The following BRMS1L variants were observed in gnomAD, a reference collection of about 807,000 sequenced individuals.
BRMS1L encodes BRMS1 like transcriptional repressor, also known as breast cancer metastasis-suppressor 1-like protein.
Under a neutral mutation model 50.3 loss-of-function variants are expected in BRMS1L, and 23 were observed. The observed-to-expected ratio is 0.46, with a 90% CI of 0.33 to 0.65. The LOEUF is 0.65. Among genes scored for constraint, BRMS1L ranks in the 30% least tolerant of loss-of-function variants. The pLI is 0.02. For synonymous variants in BRMS1L, 114 were observed against 126.9 expected, an observed-to-expected ratio of 0.90 and a Z score of 0.69; for missense variants, 286 against 386.1, an observed-to-expected ratio of 0.74 and a Z score of 2.17.
intron 4 of BRMS1L, among the ~76,000 whole-genome samples, chr14:35,847,779 CT>C (rs1305393383): frequency 1.3e-5 from 2 of 152,182 alleles, no homozygotes; most frequent in African/African-American, 4.8e-5. Context: ...GTGTGTCTGA[CT>C]AGTTTATATA....
intron 4 of BRMS1L, among the ~76,000 whole-genome samples, chr14:35,854,056 GTA>G (rs1456875467): frequency 2.0e-5 from 3 of 152,158 alleles, no homozygotes; most frequent in Non-Finnish European, 1.5e-5. Flanking sequence ...TAGTTGTTCA[GTA>G]TTTTAGTTCC....
intron 4 of BRMS1L, among the ~76,000 whole-genome samples, chr14:35,851,238 C>T (rs923680228): frequency 1.3e-5 from 2 of 152,148 alleles, no homozygotes; most frequent in Admixed American, 1.3e-4. Context: ...GGTGAAACCG[C>T]ACAGGTGTCA....
chr14:35,856,864 C>T (rs918765855), intron 4 of BRMS1L, among the ~76,000 whole-genome samples: 3 of 151,934 alleles, frequency 2.0e-5, no homozygotes, highest in African/African-American at 7.3e-5. Flanking sequence ...TCCTACCGCC[C>T]CAGCCTGGCC....
Position 35,834,857 on chromosome 14 carries a change from G to T in BRMS1L, c.375G>T (p.Glu125Asp). The T allele has an allele frequency of 6.3e-7, 1 of 1,580,406 alleles. No individual in the cohort carries two copies. The highest frequency in any genetic ancestry group is 2.3e-5 in the East Asian group (1 of 43,618). ...IRTKVAGIYR[E>D]LCLESVKNKY... The stretch of plus-strand genomic sequence containing the variant: ...GTTTGGTTGCAGGAATCTATAGAGA[G>T]CTCTGCTTAGAATCTGTAAAGAACA... Residue 125 changes from glutamate (E) to aspartate (D), a missense_variant, in exon 4 of 10, where the codon GAG (glutamate) becomes GAT (aspartate). Coordinates refer to ENST00000216807, the MANE Select transcript of BRMS1L (RefSeq NM_032352.4).
chr14:35,859,643 T>G (rs1302291712), intron 4 of BRMS1L, among the ~76,000 whole-genome samples: 2 of 152,164 alleles, frequency 1.3e-5, no homozygotes, highest in East Asian at 3.8e-4. Flanking sequence ...TTTTATGTAT[T>G]TATTTATTTG....
chr14:35,843,089 C>G (rs1455338568), intron 4 of BRMS1L, among the ~76,000 whole-genome samples: 2 of 152,152 alleles, frequency 1.3e-5, no homozygotes, highest in African/African-American at 4.8e-5. Flanking sequence ...AGCCTTTTAT[C>G]AAGGTTCTTA....
Position 35,871,368 on chromosome 14 carries a change from A to C in BRMS1L, c.*891A>C, listed in dbSNP as rs963383089. 3 of 152,654 alleles carry C rather than the reference A, an allele frequency of 2.0e-5. No individual in the cohort carries two copies. The highest frequency in any genetic ancestry group is 4.4e-5 in the Non-Finnish European group (3 of 68,046). The allele number at this position is 152,654 out of a possible 1,614,324, so 9.5% of individuals were successfully genotyped here. A position where few individuals can be genotyped will look rare whatever the true frequency, so the allele number is the denominator to read the frequency against. On this transcript the variant is annotated 3_prime_UTR_variant, in exon 10 of 10. Transcript: ENST00000216807. ...ATTTTATTCCTAGGGCAAAGTAGAC[A>C]GGGATTATTTCCTTGAATCTATTTC... is the stretch of plus-strand genomic sequence containing the variant.
At chr14:35,860,622 C>T (rs2078338088) in intron 4 of BRMS1L, among the ~76,000 whole-genome samples, 1 of 151,016 alleles carries the variant, frequency 6.6e-6, no homozygotes, top group African/African-American at 2.4e-5. Flanking sequence ...TAATGGGTCA[C>T]TCTCTGATAA....
At chr14:35,864,385 C>T (rs1270637250) in intron 6 of BRMS1L, among the ~76,000 whole-genome samples, 3 of 152,054 alleles carry the variant, frequency 2.0e-5, no homozygotes, top group Non-Finnish European at 4.4e-5. Context: ...CCTTAGCCTC[C>T]CAAGTAGCTG....
intron 2 of BRMS1L, among the ~76,000 whole-genome samples, chr14:35,832,341 A>G (rs1192977007): frequency 2.1e-5 from 3 of 139,798 alleles, no homozygotes; most frequent in African/African-American, 9.4e-5. Flanking sequence ...CGTCTCTACT[A>G]AAAAATACAA....
chr14:35,852,303 T>C (rs1216136433), intron 4 of BRMS1L, among the ~76,000 whole-genome samples: 1 of 152,210 alleles, frequency 6.6e-6, no homozygotes, highest in Non-Finnish European at 1.5e-5. Flanking sequence ...ACTCGTGGAC[T>C]CAAGTGATCC....
In BRMS1L at chr14:35,871,796, CAA is replaced by C. The variant is rs1426229677; in HGVS notation, c.*1321_*1322del. 6.6e-6 allele frequency: 1 copy of C among 152,596 alleles called. No homozygotes were observed. Among genetic ancestry groups the C allele is most frequent in the East Asian group, 1.9e-4 (1 of 5,206 alleles). The allele number at this position is 152,596 out of a possible 1,614,324, so 9.5% of individuals were successfully genotyped here. On this transcript the variant is annotated 3_prime_UTR_variant, in exon 10 of 10. Transcript: ENST00000216807. The stretch of plus-strand genomic sequence containing the variant: ...CTTAACTGCTGAAATTCAGTGTCAG[CAA>C]AGTGATATTACGTTGTTCTGTTTCT...
intron 2 of BRMS1L, 151 bp from the exon 3 acceptor site, chr14:35,832,827 A>T (rs936742872): frequency 5.2e-5 from 31 of 600,098 alleles, no homozygotes; most frequent in African/African-American, 7.5e-5. Flanking sequence ...CAAATAATGT[A>T]ACTGAGTTCT....
intron 4 of BRMS1L, among the ~76,000 whole-genome samples, chr14:35,846,908 C>G (rs1181717655): frequency 6.6e-6 from 1 of 151,944 alleles, no homozygotes; most frequent in Non-Finnish European, 1.5e-5. Flanking sequence ...TTATCTTTCC[C>G]TTACTGAGGG....
At chr14:35,856,004 A>G (rs1376950047) in intron 4 of BRMS1L, among the ~76,000 whole-genome samples, 1 of 152,168 alleles carries the variant, frequency 6.6e-6, no homozygotes, top group Non-Finnish European at 1.5e-5. Context: ...TCTGAATGTC[A>G]TTATTCAGGG....
At chr14:35,842,776 C>G (rs1158401997) in intron 4 of BRMS1L, among the ~76,000 whole-genome samples, 1 of 152,162 alleles carries the variant, frequency 6.6e-6, no homozygotes, top group African/African-American at 2.4e-5. Context: ...GAGTTTTTTC[C>G]ACCTTGGTTC....
Position 35,867,918 on chromosome 14 carries a change from T to C in BRMS1L, c.740T>C (p.Leu247Pro). 1 of 1,599,364 alleles carries C rather than the reference T, an allele frequency of 6.3e-7. No homozygotes were observed. Among genetic ancestry groups the C allele is most frequent in the South Asian group, 1.1e-5 (1 of 88,110 alleles). The change falls in exon 9 of 10, where the codon CTG (leucine) becomes CCG (proline). Residue 247 changes from leucine to proline, a missense_variant. Around this residue, in one of 5 missense-constraint regions of BRMS1L, gnomAD observed 160 missense variants for 240.6 expected, o/e 0.66. Transcript: ENST00000216807. ...HRVKTEPPVK[L>P]EKHLHSARSE... ...CTGATCCCTTTAGCACCTGTGAAACTGGAAAAACATCTGCACAGTGCTAGA... is the reference window on the plus strand; with the variant it reads ...CTGATCCCTTTAGCACCTGTGAAACCGGAAAAACATCTGCACAGTGCTAGA...
intron 4 of BRMS1L, among the ~76,000 whole-genome samples, chr14:35,861,705 A>G (rs2078353948): frequency 6.6e-6 from 1 of 152,182 alleles, no homozygotes; most frequent in Admixed American, 6.5e-5. Flanking sequence ...CAGACTCAAG[A>G]GAGAGGGCTT....
intron 4 of BRMS1L, among the ~76,000 whole-genome samples, chr14:35,849,858 C>T (rs1280431200): frequency 6.6e-6 from 1 of 151,724 alleles, no homozygotes; most frequent in Non-Finnish European, 1.5e-5. Flanking sequence ...GTCGTTCTGT[C>T]ACCCAGGCTG....
Sources: gnomAD v4.1 joint callset for allele counts (sites outside exome capture counted in the v4.1 genomes callset) on GRCh38, gnomAD v4.1.1 for gene constraint, gnomAD v4.1.1 regional missense constraint, MANE v1.5 for transcripts, NCBI Gene and HGNC (gene_info 2026-07-23, HGNC 2026-07-21) for gene names.